ATP1A2: variants seen among roughly 807,000 people sequenced by gnomAD.
ATP1A2 encodes ATPase Na+/K+ transporting subunit alpha 2.
Under a neutral mutation model 113.1 loss-of-function variants are expected in ATP1A2, and 56 were observed. The observed-to-expected ratio is 0.49, with a 90% CI of 0.40 to 0.62. The LOEUF (loss-of-function observed/expected upper bound fraction) is 0.62. Among genes scored for constraint, ATP1A2 ranks in the 20% least tolerant of loss-of-function variants. ATP1A2 has a pLI of 0.00. For missense variants in ATP1A2, 712 were observed against 1,357.8 expected, an observed-to-expected ratio of 0.52 and a Z score of 7.47; for synonymous variants, 490 against 526.8, an observed-to-expected ratio of 0.93 and a Z score of 0.96.
intron 11 of ATP1A2, 117 bp downstream of exon 11, chr1:160,129,517 C>T: frequency 2.0e-6 from 3 of 1,499,040 alleles, no homozygotes; most frequent in South Asian, 1.1e-5. Flanking sequence ...CATGTTCCCT[C>T]CCCCTGCTAA....
chr1:160,132,640 G>T (rs932985099), intron 13 of ATP1A2, among the ~76,000 whole-genome samples: 2 of 152,168 alleles, frequency 1.3e-5, no homozygotes, highest in South Asian at 4.1e-4. Context: ...GCAGTAGCAG[G>T]CTTGGTGGGG....
rs886045415 is a variant in ATP1A2 at position 160,123,320 on chromosome 1, C to T, written c.285C>T (p.Phe95=). Residue 95 remains phenylalanine (F), a synonymous_variant, in exon 4 of 23, where the codon TTC becomes TTT. Transcript: ENST00000361216. ...PEWVKFCRQL[F]GGFSILLWIG... is the part of the protein sequence containing the mutation. ...GGGTCAAGTTCTGCCGTCAGCTTTT[C>T]GGGGGGTTCTCCATCCTGCTGTGGA... 9 of 1,614,112 alleles carry T rather than the reference C, an allele frequency of 5.6e-6. No homozygotes were observed. The highest frequency in any genetic ancestry group is 2.2e-5 in the South Asian group (2 of 91,094).
chr1:160,125,571 G>A lies in ATP1A2; in HGVS notation c.748+318G>A, dbSNP rs542914693. 141 of 358,084 alleles carry A rather than the reference G, an allele frequency of 3.9e-4. 2 individuals are homozygous for A. The highest frequency in any genetic ancestry group is 2.7e-3 in the Middle Eastern group (3 of 1,098). The allele number at this position is 358,084 out of a possible 1,614,324, so 22.2% of individuals were successfully genotyped here. On this transcript the variant is annotated intron_variant, in intron 7 of 22. Coordinates refer to ENST00000361216, the MANE Select transcript of ATP1A2 (RefSeq NM_000702.4). ...CATGCGCACACACAGATGCACATAC[G>A]CTCAGAACCAACCTGGATTCTTAGG...
intron 21 of ATP1A2, 39 bp from the exon 22 acceptor site, chr1:160,139,854 A>G (rs780113732): frequency 6.2e-7 from 1 of 1,612,370 alleles, no homozygotes; most frequent in South Asian, 1.1e-5. Context: ...CACCAAGCCA[A>G]CCTCTGATGC....
At position 160,136,758 on chromosome 1, in the gene ATP1A2, C is replaced by T. The variant is rs116629683; in HGVS notation, c.2709+43C>T. ...AACACAGCGCACATGTGTGAAGGTA[C>T]GGGAAGCTGAATGCCTGGCAGGAGT... is the stretch of plus-strand genomic sequence containing the variant. On this transcript the variant is annotated intron_variant, in intron 19 of 22. Transcript: ENST00000361216. The T allele has an allele frequency of 4.1e-3, 6,665 of 1,614,076 alleles. 241 individuals carry two copies. In the African/African-American group the frequency reaches 0.078, roughly 19 times the overall value.
intron 6 of ATP1A2, 21 bp from the exon 7 acceptor site, chr1:160,125,115 T>A: frequency 6.2e-7 from 1 of 1,605,946 alleles, no homozygotes; most frequent in Non-Finnish European, 8.5e-7. Context: ...GTCTGATGAC[T>A]ATGCACTCCT....
rs138196662 is a variant in ATP1A2, at chr1:160,142,804, CA to C, written c.*1496del. On this transcript the variant is annotated 3_prime_UTR_variant, in exon 23 of 23. Coordinates refer to ENST00000361216, the MANE Select transcript of ATP1A2 (RefSeq NM_000702.4). ...TGGGCGAAAGGGTGAGACTCCATCT[CA>C]AAAAAAAAAAAAATGATTTGCTTTT... 44,904 of 140,724 alleles carry C rather than the reference CA, an allele frequency of 0.32. 7,556 individuals carry two copies. Among genetic ancestry groups the C allele is most frequent in the African/African-American group, 0.49 (19,079 of 39,132 alleles). The allele number at this position is 140,724 out of a possible 1,614,324, so 8.7% of individuals were successfully genotyped here.
rs777218105 is a variant in ATP1A2 at position 160,127,618 on chromosome 1, C to T, written c.815C>T (p.Ala272Val). Reference protein sequence around the residue: ...RTVMGRIATLASGLEVGRTPI... With the variant: ...RTVMGRIATLVSGLEVGRTPI... ...GTGATGGGCCGCATAGCTACTCTCG[C>T]CTCAGGCCTGGAGGTTGGGCGGACA... The change falls in exon 8 of 23, where the codon GCC becomes GTC. Residue 272 changes from alanine (A) to valine (V), a missense_variant. Coordinates refer to ENST00000361216, the MANE Select transcript of ATP1A2 (RefSeq NM_000702.4). 4 of 1,614,124 alleles carry T rather than the reference C, an allele frequency of 2.5e-6. No homozygotes were observed. In the African/African-American group the frequency reaches 5.3e-5, roughly 22 times the overall value.
chr1:160,126,858 T>C (rs865782680), intron 7 of ATP1A2, among the ~76,000 whole-genome samples: 32 of 152,248 alleles, frequency 2.1e-4, no homozygotes, highest in Admixed American at 6.5e-5. Context: ...AATACATTCC[T>C]ATTGCTTACT....
chr1:160,122,514 G>T (rs1651447254), intron 3 of ATP1A2, among the ~76,000 whole-genome samples: 1 of 152,080 alleles, frequency 6.6e-6, no homozygotes, highest in African/African-American at 2.4e-5. Context: ...GCAATATGGT[G>T]AGTGCAGCTC....
At position 160,135,435 on chromosome 1, in the gene ATP1A2, G is replaced by A. The variant is rs757033679; in HGVS notation, c.2117G>A (p.Gly706Glu). Residue 706 changes from glycine to glutamate, a missense_variant and splice_region_variant, in exon 16 of 23, where the codon GGA (glycine) becomes GAA (glutamate). Gly to Glu is a moderately conservative substitution (Grantham distance 98). Transcript: ENST00000361216. This position sits in a 1 kb window ranked among gnomAD's most constrained non-coding sequence, Gnocchi z 6.3. ...CAAGTGTGGCCGTCTTCCCTCCAGG[G>A]AGCCATTGTGGCCGTGACGGGTGAC... is the stretch of plus-strand genomic sequence containing the variant. ...LIIVEGCQRQ[G>E]AIVAVTGDGV... 2 of 1,614,172 alleles carry A rather than the reference G, an allele frequency of 1.2e-6. No homozygotes were observed. The highest frequency in any genetic ancestry group is 1.3e-5 in the African/African-American group (1 of 75,026).
Position 160,125,208 on chromosome 1 carries a change from CT to C in ATP1A2, c.704del (p.Leu235ArgfsTer22). ...RSPEFTHENP[L>X]ETRNICFFST... is the part of the protein sequence containing the mutation. ...CCCCGAGTTCACCCATGAGAACCCC[CT>C]GGAGACCCGCAATATCTGTTTCTTC... On this transcript the variant is annotated frameshift_variant, in exon 7 of 23. Transcript: ENST00000361216. LOFTEE classifies it high-confidence loss of function. 6.2e-7 allele frequency: 1 copy of C among 1,614,190 alleles called. No individual in the cohort carries two copies. The highest frequency in any genetic ancestry group is 8.5e-7 in the Non-Finnish European group (1 of 1,180,028).
rs74123255 is a variant in ATP1A2 at position 160,143,102 on chromosome 1, G to A, written c.*1780G>A. 3,341 of 152,364 alleles carry A rather than the reference G, an allele frequency of 0.022. 131 individuals are homozygous for A. Among genetic ancestry groups the A allele is most frequent in the African/African-American group, 0.075 (3,116 of 41,536 alleles). The allele number at this position is 152,364 out of a possible 1,614,324, so 9.4% of individuals were successfully genotyped here. On this transcript the variant is annotated 3_prime_UTR_variant, in exon 23 of 23. Coordinates refer to ENST00000361216, the MANE Select transcript of ATP1A2 (RefSeq NM_000702.4). ...ATCTGAGGAAAATGGAAGACCTAAG[G>A]CAGACAGGAAGGAAGCACAAAAGAC...
At position 160,136,313 on chromosome 1, in the gene ATP1A2, T is replaced by C; in HGVS notation, c.2506T>C (p.Ser836Pro). Residue 836 changes from serine to proline, a missense_variant, in exon 18 of 23, where the codon TCC (serine) becomes CCC (proline). Ser to Pro is a moderately conservative substitution (Grantham distance 74). Coordinates refer to ENST00000361216, the MANE Select transcript of ATP1A2 (RefSeq NM_000702.4). ...TATCATGAAGCGGCAGCCACGAAAC[T>C]CCCAGACGGACAAGCTGGTGAATGA... ...SDIMKRQPRNSQTDKLVNERL... is the reference protein window; with the variant it reads ...SDIMKRQPRNPQTDKLVNERL... 6.2e-7 allele frequency: 1 copy of C among 1,613,988 alleles called. No individual in the cohort carries two copies. Among genetic ancestry groups the C allele is most frequent in the Non-Finnish European group, 8.5e-7 (1 of 1,179,980 alleles).
At chr1:160,131,974 G>C (rs1190661276) in intron 13 of ATP1A2, among the ~76,000 whole-genome samples, 3 of 152,220 alleles carry the variant, frequency 2.0e-5, no homozygotes, top group African/African-American at 7.2e-5. Context: ...TGCTTGGCCA[G>C]GTGCCTCTCT....
chr1:160,117,935 T>G (rs1570980870), intron 1 of ATP1A2, among the ~76,000 whole-genome samples: 1 of 135,672 alleles, frequency 7.4e-6, no homozygotes. Context: ...GGGGGACTTG[T>G]GGTTGGGGGA....
intron 20 of ATP1A2, 82 bp downstream of exon 20, chr1:160,137,113 G>A: frequency 6.2e-7 from 1 of 1,608,346 alleles, no homozygotes; most frequent in Non-Finnish European, 8.5e-7. Flanking sequence ...TTCCAACTCA[G>A]CCCTGGACCA....
chr1:160,130,908 A>C (rs1651751500), intron 13 of ATP1A2, among the ~76,000 whole-genome samples: 1 of 152,058 alleles, frequency 6.6e-6, no homozygotes, highest in African/African-American at 2.4e-5. Context: ...TTGAAGACCT[A>C]GTTGTCCTAC....
Position 160,135,739 on chromosome 1 carries a change from A to C in ATP1A2, c.2285-100A>C. On this transcript the variant is annotated intron_variant, in intron 16 of 22. Transcript: ENST00000361216. This position sits in a 1 kb window ranked among gnomAD's most constrained non-coding sequence, Gnocchi z 6.3. ...CCCACTTTAGCTTCCCTTGAACACA[A>C]AATCTTCCTCTCTTGGGAAGACAGG... 1 of 1,610,584 alleles carries C rather than the reference A, an allele frequency of 6.2e-7. No homozygotes were observed. The highest frequency in any genetic ancestry group is 8.5e-7 in the Non-Finnish European group (1 of 1,177,504).
Sources: gnomAD v4.1 joint callset for allele counts (sites outside exome capture counted in the v4.1 genomes callset) on GRCh38, gnomAD v4.1.1 for gene constraint, Gnocchi (gnomAD v3.1) non-coding constraint, MANE v1.5 for transcripts, NCBI Gene and HGNC (gene_info 2026-07-23, HGNC 2026-07-21) for gene names.